Variants in LTV1 observed in about 807,000 individuals in gnomAD.
The protein encoded by LTV1 is LTV1 ribosome biogenesis factor.
A neutral mutation model predicts 59.9 loss-of-function variants in LTV1; 39 were observed. The ratio of observed to expected loss-of-function variants is 0.65; its 90% CI spans 0.50 to 0.85. LTV1 has a LOEUF of 0.85. LTV1 is among the 40% of genes least tolerant of loss of function. The probability of loss-of-function intolerance (pLI) is 0.00; values close to 1 mark genes in which losing one functional copy is unlikely to be tolerated. For synonymous variants in LTV1, 171 were observed against 189.5 expected (o/e 0.90, Z 0.80); for missense variants, 493 against 549.1 (o/e 0.90, Z 1.02).
chr6:143,857,754 A>G lies in LTV1; in HGVS notation c.542A>G (p.Lys181Arg), dbSNP rs751716182. 6.2e-7 allele frequency: 1 copy of G among 1,614,056 alleles called. No homozygotes were observed. Among genetic ancestry groups the G allele is most frequent in the African/African-American group, 1.3e-5 (1 of 75,042 alleles). ...TGEEEGMDIQ[K>R]SENEDDSEWE... is the part of the protein sequence containing the mutation. ...GTAATTTATGACCTTTACTTTAGGA[A>G]ATCTGAGAATGAAGATGACAGCGAG... The change falls in exon 6 of 11, where the codon AAA (lysine) becomes AGA (arginine). Residue 181 changes from lysine to arginine, a missense_variant and splice_region_variant. By Grantham distance (26) the Lys-to-Arg change is conservative. Coordinates refer to ENST00000367576, the MANE Select transcript of LTV1 (RefSeq NM_032860.5). The surrounding 1 kb of genome is among the most constrained non-coding windows in gnomAD (Gnocchi z 5.2).
chr6:143,847,764 G>A (rs1190819320), intron 3 of LTV1, among the ~76,000 whole-genome samples: 2 of 152,198 alleles, frequency 1.3e-5, no homozygotes, highest in Admixed American at 1.3e-4. Context: ...AGTGACCTTT[G>A]CAGGGACAGC....
rs752331722 is a variant in LTV1 at position 143,863,496 on chromosome 6, TGAA to T, written c.1404_1406del (p.Lys468del). 25 of 1,613,506 alleles carry T rather than the reference TGAA, an allele frequency of 1.5e-5. No individual in the cohort carries two copies. In the East Asian group the frequency reaches 2.7e-4, roughly 17 times the overall value. On this transcript the variant is annotated inframe_deletion, in exon 11 of 11. Transcript: ENST00000367576. This position sits in a 1 kb window ranked among gnomAD's most constrained non-coding sequence, Gnocchi z 4.5. ...AGGCAAGAAAAAGAGCTGCTGAACT[TGAA>T]GAAGAATGTTGAGGGTCTAAAGCTA...
Position 143,862,349 on chromosome 6 carries a change from C to A in LTV1, c.1063+106C>A. The A allele has an allele frequency of 6.0e-6, 6 of 993,106 alleles. No individual in the cohort carries two copies. The highest frequency in any genetic ancestry group is 8.7e-6 in the Non-Finnish European group (6 of 692,402). The allele number at this position is 993,106 out of a possible 1,614,324, so 61.5% of individuals were successfully genotyped here. ...GTAGTAATCCCAGCACTTTGGGAGG[C>A]CGAGGCGGGTGGGTCACCTGATGTC... On this transcript the variant is annotated intron_variant, in intron 8 of 10. Transcript: ENST00000367576. The surrounding 1 kb of genome is among the most constrained non-coding windows in gnomAD (Gnocchi z 4.2).
Position 143,863,371 on chromosome 6 carries a change from G to A in LTV1, c.1318-46G>A, listed in dbSNP as rs1321971375. ...AATTTTGTAAAAGCAGTCTGTATCA[G>A]TTTAAAGATGTGAATAATACAAGTA... On this transcript the variant is annotated intron_variant, in intron 10 of 10. Transcript: ENST00000367576. This position sits in a 1 kb window ranked among gnomAD's most constrained non-coding sequence, Gnocchi z 4.5. 6.3e-7 allele frequency: 1 copy of A among 1,595,130 alleles called. No homozygotes were observed. The highest frequency in any genetic ancestry group is 2.2e-5 in the East Asian group (1 of 44,720).
intron 1 of LTV1, 25 bp downstream of exon 1, chr6:143,843,505 C>T (rs368453666): frequency 1.2e-5 from 20 of 1,613,016 alleles, no homozygotes; most frequent in African/African-American, 5.3e-5. Flanking sequence ...CTTGTTTCGG[C>T]GGCCGAGCGC....
chr6:143,844,427 A>G, intron 1 of LTV1, 59 bp from the exon 2 acceptor site: 1 of 1,582,396 alleles, frequency 6.3e-7, no homozygotes, highest in South Asian at 1.1e-5. Context: ...GGACTATGGA[A>G]TTATTCTCCG....
chr6:143,846,070 G>A lies in LTV1; in HGVS notation c.155G>A (p.Arg52Gln), dbSNP rs1190452136. The A allele has an allele frequency of 6.2e-6, 10 of 1,613,386 alleles. No homozygotes were observed. The highest frequency in any genetic ancestry group is 3.3e-5 in the Admixed American group (2 of 59,838). ...TTATAGATAGACAATGAAGAAAGGCGAGCAGAACAGAGGAAGTATGGAGTG... is the reference window on the plus strand; with the variant it reads ...TTATAGATAGACAATGAAGAAAGGCAAGCAGAACAGAGGAAGTATGGAGTG... Reference protein sequence around the residue: ...PTQKIDNEERRAEQRKYGVFF... With the variant: ...PTQKIDNEERQAEQRKYGVFF... Residue 52 changes from arginine (R) to glutamine (Q), a missense_variant, in exon 3 of 11, where the codon CGA becomes CAA. Coordinates refer to ENST00000367576, the MANE Select transcript of LTV1 (RefSeq NM_032860.5).
Position 143,844,740 on chromosome 6 carries a change from A to C in LTV1, c.135+123A>C, listed in dbSNP as rs1776862632. On this transcript the variant is annotated intron_variant, in intron 2 of 10. Transcript: ENST00000367576. The stretch of plus-strand genomic sequence containing the variant: ...GGCTGGTCTCGAACTCCTGGACTTA[A>C]GCAGTCCTCCCAGCTTGGCCTCCAA... 1.5e-5 allele frequency: 15 copies of C among 1,012,988 alleles called. No individual in the cohort carries two copies. In the South Asian group the frequency reaches 3.1e-4, roughly 21 times the overall value. The allele number at this position is 1,012,988 out of a possible 1,614,324, so 62.7% of individuals were successfully genotyped here. A position where few individuals can be genotyped will look rare whatever the true frequency, so the allele number is the denominator to read the frequency against.
intron 4 of LTV1, among the ~76,000 whole-genome samples, chr6:143,852,822 C>G (rs191591327): frequency 6.6e-6 from 1 of 152,044 alleles, no homozygotes; most frequent in Non-Finnish European, 1.5e-5. Context: ...TTATTAAATA[C>G]GGAATCCTTT....
At chr6:143,847,142 C>T (rs1237776118) in intron 3 of LTV1, among the ~76,000 whole-genome samples, 1 of 152,204 alleles carries the variant, frequency 6.6e-6, no homozygotes, top group East Asian at 1.9e-4. Context: ...TTTTGTAACG[C>T]CCCAAATCCC....
chr6:143,844,337 G>C, intron 1 of LTV1, 149 bp from the exon 2 acceptor site: 1 of 758,302 alleles, frequency 1.3e-6, no homozygotes, highest in Non-Finnish European at 2.1e-6. Context: ...GGATTCTGCA[G>C]AACACAGCTG....
At chr6:143,847,367 GTTA>G (rs1776910855) in intron 3 of LTV1, among the ~76,000 whole-genome samples, 1 of 152,188 alleles carries the variant, frequency 6.6e-6, no homozygotes, top group African/African-American at 2.4e-5. Context: ...TGTTGTTGTT[GTTA>G]TTGTTGTTGA....
At chr6:143,852,724 C>T (rs1396884731) in intron 4 of LTV1, among the ~76,000 whole-genome samples, 1 of 152,144 alleles carries the variant, frequency 6.6e-6, no homozygotes, top group African/African-American at 2.4e-5. Context: ...AGTCTTTAAT[C>T]CATCTTGAGT....
chr6:143,859,830 G>A (rs891568423), intron 6 of LTV1, among the ~76,000 whole-genome samples: 6 of 152,186 alleles, frequency 3.9e-5, no homozygotes, highest in Admixed American at 6.5e-5. Flanking sequence ...TAGTCTAGGC[G>A]TAGTGTCTCG....
At chr6:143,859,270 C>T (rs1777125255) in intron 6 of LTV1, among the ~76,000 whole-genome samples, 1 of 152,174 alleles carries the variant, frequency 6.6e-6, no homozygotes, top group African/African-American at 2.4e-5. Flanking sequence ...TTTATAATCC[C>T]AACCTATAGA....
intron 1 of LTV1, 109 bp from the exon 2 acceptor site, chr6:143,844,377 T>A (rs1776853037): frequency 2.4e-6 from 3 of 1,239,732 alleles, no homozygotes; most frequent in African/African-American, 1.5e-5. Flanking sequence ...TGTAGATTTT[T>A]AAAAAGTATC....
At chr6:143,850,108 C>T in intron 3 of LTV1, 23 bp from the exon 4 acceptor site, 1 of 1,588,184 alleles carries the variant, frequency 6.3e-7, no homozygotes, top group Non-Finnish European at 8.6e-7. Flanking sequence ...TAAACCTAAC[C>T]ATTGTGCAAT....
chr6:143,850,553 C>A lies in LTV1; in HGVS notation c.397+335C>A, dbSNP rs563070472. Among the ~76,000 whole-genome samples the A allele has an allele frequency of 5.9e-5, 9 of 152,260 alleles. No homozygotes were observed. In the East Asian group the frequency reaches 1.7e-3, roughly 29 times the overall value. On this transcript the variant is annotated intron_variant, in intron 4 of 10. Coordinates refer to ENST00000367576, the MANE Select transcript of LTV1 (RefSeq NM_032860.5). ...TTGTAGTGTAATTTTGAAAAATAAT[C>A]TGTTTTTCAGAATTTCTCCCCAGAG...
chr6:143,862,722 A>G lies in LTV1; in HGVS notation c.1064-122A>G. ...GTAAGCAATTTATAAAACATTGATC[A>G]GAGACTCCAGTGTTATTTTGCACTA... On this transcript the variant is annotated intron_variant, in intron 8 of 10. Transcript: ENST00000367576. The surrounding 1 kb of genome is among the most constrained non-coding windows in gnomAD (Gnocchi z 4.2). 1.5e-6 allele frequency: 1 copy of G among 667,124 alleles called. No homozygotes were observed. The highest frequency in any genetic ancestry group is 2.7e-6 in the Non-Finnish European group (1 of 367,674). The allele number at this position is 667,124 out of a possible 1,614,324, so 41.3% of individuals were successfully genotyped here.
Sources: gnomAD v4.1 joint callset for allele counts (sites outside exome capture counted in the v4.1 genomes callset) on GRCh38, gnomAD v4.1.1 for gene constraint, Gnocchi (gnomAD v3.1) non-coding constraint, MANE v1.5 for transcripts, NCBI Gene and HGNC (gene_info 2026-07-23, HGNC 2026-07-21) for gene names.